NALCN: variants seen among roughly 807,000 people sequenced by gnomAD.
The protein encoded by NALCN is sodium leak channel, non-selective, also known as sodium leak channel NALCN.
In NALCN, 111 loss-of-function variants were observed where a neutral mutation model predicts 225.3. The observed-to-expected ratio is 0.49, with a 90% CI of 0.42 to 0.58. The LOEUF is 0.58. NALCN is among the 20% of genes least tolerant of loss of function. The pLI is 0.00. For synonymous variants in NALCN, 764 were observed against 769.0 expected (o/e 0.99, Z 0.11); for missense variants, 1,378 against 2,202.4 (o/e 0.63, Z 7.49).
At chr13:101,152,997 TAC>T (rs373585312) in intron 15 of NALCN, among the ~76,000 whole-genome samples, 3 of 151,666 alleles carry the variant, frequency 2.0e-5, no homozygotes, top group African/African-American at 4.8e-5. Flanking sequence ...GAATTCAGGA[TAC>T]ACACACACAC....
chr13:101,392,203 C>T (rs889357902), intron 3 of NALCN, among the ~76,000 whole-genome samples: 9 of 151,812 alleles, frequency 5.9e-5, no homozygotes, highest in Non-Finnish European at 1.3e-4. Context: ...TACATGCCCG[C>T]CACCCACACA....
intron 6 of NALCN, among the ~76,000 whole-genome samples, chr13:101,350,544 C>G (rs1374591969): frequency 6.6e-6 from 1 of 152,136 alleles, no homozygotes; most frequent in South Asian, 2.1e-4. Flanking sequence ...GTCATCTGTT[C>G]ATTGGATGTC....
intron 1 of NALCN, among the ~76,000 whole-genome samples, chr13:101,401,422 G>A (rs2047475862): frequency 6.6e-6 from 1 of 151,740 alleles, no homozygotes; most frequent in South Asian, 2.1e-4. Flanking sequence ...AATCCTTCAA[G>A]ATGACACATA....
chr13:101,107,490 T>C lies in NALCN; in HGVS notation c.2576A>G (p.Asn859Ser), dbSNP rs748983859. 4 of 1,614,086 alleles carry C rather than the reference T, an allele frequency of 2.5e-6. No individual in the cohort carries two copies. The highest frequency in any genetic ancestry group is 3.4e-6 in the Non-Finnish European group (4 of 1,179,950). ...GGCTGAAATGAAGTGTACTTACGCG[T>C]TGAAGCGTGCTCGGACCACCACCCG... The part of the protein sequence containing the change: ...FCRVVVRARF[N>S]ASKTDPVTGA... Residue 859 changes from asparagine to serine, a missense_variant, in exon 22 of 44, where the codon AAC (asparagine) becomes AGC (serine). Coordinates refer to ENST00000251127, the MANE Select transcript of NALCN (RefSeq NM_052867.4).
At chr13:101,111,411 A>G (rs2035430118) in intron 18 of NALCN, among the ~76,000 whole-genome samples, 185 bp from the exon 19 acceptor site, 1 of 152,242 alleles carries the variant, frequency 6.6e-6, no homozygotes, top group African/African-American at 2.4e-5. Context: ...CTTACAAAGC[A>G]GAAGTATCAC....
At chr13:101,372,090 C>T (rs1012916885) in intron 6 of NALCN, among the ~76,000 whole-genome samples, 3 of 152,178 alleles carry the variant, frequency 2.0e-5, no homozygotes, top group South Asian at 2.1e-4. Context: ...ACCCTGGCAT[C>T]CCGAAGCTAA....
At position 101,153,629 on chromosome 13, in the gene NALCN, TC is replaced by T. The variant is rs1311074712; in HGVS notation, c.1840-8734del. Reference sequence around the variant, plus strand: ...CTTCCAGCCTCTCCTGTCTCAGGTGTCCCCCCCTGCCTCAGTGGGGCTGCTC... The same window carrying T: ...CTTCCAGCCTCTCCTGTCTCAGGTGTCCCCCCTGCCTCAGTGGGGCTGCTC... On this transcript the variant is annotated intron_variant, in intron 15 of 43. Transcript: ENST00000251127. Among the ~76,000 whole-genome samples, 4 of 152,076 alleles carry T rather than the reference TC, an allele frequency of 2.6e-5. No individual in the cohort carries two copies. The South Asian group carries it at 6.2e-4, about 24-fold the overall frequency.
chr13:101,395,454 C>A, intron 2 of NALCN, 89 bp from the exon 3 acceptor site: 1 of 1,297,370 alleles, frequency 7.7e-7, no homozygotes, highest in South Asian at 1.5e-5. Context: ...AAACATAATA[C>A]TGAGGTTAAA....
chr13:101,402,856 G>A (rs9300662), intron 1 of NALCN, among the ~76,000 whole-genome samples: 89,703 of 151,986 alleles, frequency 0.59, 27,405 homozygotes, highest in East Asian at 0.82. Context: ...CTACTGCTCT[G>A]AACTCTTCAG....
chr13:101,264,057 G>A (rs1259516837), intron 10 of NALCN, among the ~76,000 whole-genome samples: 1 of 152,056 alleles, frequency 6.6e-6, no homozygotes, highest in East Asian at 1.9e-4. Flanking sequence ...TTAAAGCTGA[G>A]TCAGTACCAC....
At chr13:101,345,458 A>G in intron 6 of NALCN, 38 bp from the exon 7 acceptor site, 1 of 1,598,440 alleles carries the variant, frequency 6.3e-7, no homozygotes, top group South Asian at 1.1e-5. Flanking sequence ...CAATTTCAAC[A>G]ATCATAAATG....
chr13:101,211,633 G>T (rs567321795), intron 13 of NALCN, among the ~76,000 whole-genome samples: 3 of 138,936 alleles, frequency 2.2e-5, no homozygotes, highest in Non-Finnish European at 4.6e-5. Context: ...TTTGGGGGGG[G>T]AGACAATGAC....
At chr13:101,371,666 A>T (rs998067978) in intron 6 of NALCN, among the ~76,000 whole-genome samples, 3 of 152,188 alleles carry the variant, frequency 2.0e-5, no homozygotes, top group African/African-American at 7.2e-5. Context: ...GGACAAAATA[A>T]ATTTGGTAGG....
chr13:101,331,347 G>C (rs2139235365), intron 7 of NALCN, among the ~76,000 whole-genome samples: 1 of 152,192 alleles, frequency 6.6e-6, no homozygotes, highest in Admixed American at 6.5e-5. Flanking sequence ...AGAACAGGCA[G>C]GTTTGAAACA....
intron 15 of NALCN, among the ~76,000 whole-genome samples, chr13:101,148,256 C>T (rs1187862604): frequency 1.3e-5 from 2 of 152,158 alleles, no homozygotes; most frequent in Admixed American, 6.5e-5. Flanking sequence ...AGGCTCCAGG[C>T]GAGAGTCCTT....
At chr13:101,146,944 A>G (rs1490463368) in intron 15 of NALCN, among the ~76,000 whole-genome samples, 1 of 152,194 alleles carries the variant, frequency 6.6e-6, no homozygotes, top group East Asian at 1.9e-4. Flanking sequence ...AAGAAAAAAA[A>G]TGAAGGCACT....
At chr13:101,090,050 A>AGTGTGGGATAT in intron 28 of NALCN, 84 bp from the exon 29 acceptor site, 15 of 1,589,840 alleles carry the variant, frequency 9.4e-6, no homozygotes, top group Non-Finnish European at 1.3e-5. Flanking sequence ...TCCAGTCATG[A>AGTGTGGGATAT]GTGTGGGATA....
chr13:101,214,550 C>G (rs1460709826), intron 13 of NALCN, among the ~76,000 whole-genome samples: 1 of 151,944 alleles, frequency 6.6e-6, no homozygotes. Flanking sequence ...AAAAATGATT[C>G]AAAAACCCCA....
intron 7 of NALCN, among the ~76,000 whole-genome samples, chr13:101,294,931 A>G (rs1183671129): frequency 2.0e-5 from 3 of 152,184 alleles, no homozygotes; most frequent in Non-Finnish European, 2.9e-5. Flanking sequence ...CAAACAATCC[A>G]TAGAAACAGG....
Sources: allele counts gnomAD v4.1 joint callset (sites outside exome capture counted in the v4.1 genomes callset), GRCh38; gene constraint gnomAD v4.1.1; transcripts MANE v1.5; gene names NCBI Gene and HGNC (gene_info 2026-07-23, HGNC 2026-07-21).